GSE1: variants seen among roughly 807,000 people sequenced by gnomAD.
GSE1 encodes genetic suppressor element 1.
A neutral mutation model predicts 112.6 loss-of-function variants in GSE1; 32 were observed. The observed-to-expected ratio is 0.28, with a 90% confidence interval of 0.21 to 0.38. The LOEUF (loss-of-function observed/expected upper bound fraction) is 0.38, where lower values mean the gene tolerates loss of function less well. Ranked by LOEUF, GSE1 falls within the 10% of genes least tolerant of loss-of-function variation. GSE1 has a pLI of 1.00. For synonymous variants in GSE1, 1,115 were observed against 735.6 expected (o/e 1.52, Z -8.35); for missense variants, 2,348 against 1,699.2 (o/e 1.38, Z -6.71).
At chr16:85,582,365 A>T (rs1008749970) in intron 1 of GSE1, among the ~76,000 whole-genome samples, 1 of 152,182 alleles carries the variant, frequency 6.6e-6, no homozygotes, top group Non-Finnish European at 1.5e-5. Context: ...GCTGCGGTTC[A>T]TGGGGGATGG....
intron 2 of GSE1, among the ~76,000 whole-genome samples, chr16:85,381,335 A>G (rs1193131557): frequency 3.3e-5 from 5 of 152,106 alleles, no homozygotes. Flanking sequence ...GATAGACCCC[A>G]TGTTATGTAT....
At chr16:85,651,994 G>A (rs2051398139) in intron 3 of GSE1, among the ~76,000 whole-genome samples, 2 of 152,230 alleles carry the variant, frequency 1.3e-5, no homozygotes, top group African/African-American at 4.8e-5. Flanking sequence ...ATGCCAGGCA[G>A]GGTAGGGGCG....
At chr16:85,191,233 C>T (rs929046138) in intron 1 of GSE1, among the ~76,000 whole-genome samples, 3 of 152,118 alleles carry the variant, frequency 2.0e-5, no homozygotes, top group Non-Finnish European at 2.9e-5. Flanking sequence ...GCACTGCAGC[C>T]TGGGCAACAG....
chr16:85,601,594 GC>G (rs1209492044), intron 1 of GSE1, among the ~76,000 whole-genome samples: 1 of 152,152 alleles, frequency 6.6e-6, no homozygotes, highest in Non-Finnish European at 1.5e-5. Flanking sequence ...ACCCAGAAGG[GC>G]CACAGGCGGC....
At chr16:85,439,216 A>G (rs551610285) in intron 2 of GSE1, among the ~76,000 whole-genome samples, 3 of 152,332 alleles carry the variant, frequency 2.0e-5, no homozygotes, top group East Asian at 1.9e-4. Flanking sequence ...TGGCTGAGGC[A>G]AAAAGCCACT....
At chr16:85,488,909 G>A (rs562703056) in intron 2 of GSE1, among the ~76,000 whole-genome samples, 1 of 152,084 alleles carries the variant, frequency 6.6e-6, no homozygotes, top group Non-Finnish European at 1.5e-5. Flanking sequence ...GCCCCCCGGG[G>A]GTCAGATTTG....
chr16:85,418,368 T>A (rs1049286214), intron 2 of GSE1, among the ~76,000 whole-genome samples: 1 of 152,226 alleles, frequency 6.6e-6, no homozygotes, highest in Non-Finnish European at 1.5e-5. Context: ...AAGCAGAGGA[T>A]GATGCAGCCC....
In GSE1 at chr16:85,669,477, C is replaced by A. The variant is rs2053151662; in HGVS notation, c.3415+1053C>A. ...AAACAAACGCCCATGTAGCCACAAC[C>A]AGGACATCAAATCCCGTATTTTGTT... On this transcript the variant is annotated intron_variant, in intron 14 of 15. Coordinates refer to ENST00000253458, the MANE Select transcript of GSE1 (RefSeq NM_014615.5). Among the ~76,000 whole-genome samples the A allele has an allele frequency of 2.6e-5, 4 of 152,160 alleles. No individual in the cohort carries two copies. The South Asian group carries it at 8.3e-4, about 32-fold the overall frequency.
chr16:85,514,115 C>T, intron 2 of GSE1, among the ~76,000 whole-genome samples: 1 of 151,760 alleles, frequency 6.6e-6, no homozygotes, highest in East Asian at 1.9e-4. Context: ...ACTCTCCCTG[C>T]CTCCTTCTGG....
At chr16:85,579,314 A>G (rs1281050427) in intron 1 of GSE1, among the ~76,000 whole-genome samples, 1 of 152,130 alleles carries the variant, frequency 6.6e-6, no homozygotes, top group Non-Finnish European at 1.5e-5. Context: ...TAACCCACCC[A>G]CTTCTTTTGA....
chr16:85,331,266 C>G (rs2046334107), intron 1 of GSE1, among the ~76,000 whole-genome samples: 1 of 149,668 alleles, frequency 6.7e-6, no homozygotes, highest in African/African-American at 2.5e-5. Flanking sequence ...GATTCTCCTG[C>G]CTCAGCCTCC....
chr16:85,500,313 C>A (rs2051317721), intron 2 of GSE1, among the ~76,000 whole-genome samples: 1 of 152,204 alleles, frequency 6.6e-6, no homozygotes, highest in South Asian at 2.1e-4. Context: ...ATAAACAGAT[C>A]TTTGCATCCT....
chr16:85,628,253 C>G (rs1319638968), intron 1 of GSE1, among the ~76,000 whole-genome samples: 1 of 152,250 alleles, frequency 6.6e-6, no homozygotes, highest in East Asian at 1.9e-4. Flanking sequence ...ATTTGGAATT[C>G]TATTTTAAGT....
chr16:85,496,190 G>A (rs1454644920), intron 2 of GSE1, among the ~76,000 whole-genome samples: 1 of 152,188 alleles, frequency 6.6e-6, no homozygotes, highest in East Asian at 1.9e-4. Flanking sequence ...GGTGAGAGGT[G>A]CCCACTTTGC....
At chr16:85,657,960 A>G (rs1230527768) in intron 8 of GSE1, among the ~76,000 whole-genome samples, 1 of 152,208 alleles carries the variant, frequency 6.6e-6, no homozygotes, top group Non-Finnish European at 1.5e-5. Flanking sequence ...TGTTCTCTCC[A>G]TCTTCCTCTG....
chr16:85,366,685 G>C (rs983764740), intron 2 of GSE1, among the ~76,000 whole-genome samples: 22 of 152,108 alleles, frequency 1.4e-4, no homozygotes, highest in Admixed American at 1.2e-3. Flanking sequence ...TGGTTCCCTT[G>C]CTAGCGTGTG....
At chr16:85,303,610 C>G (rs879929558) in intron 1 of GSE1, among the ~76,000 whole-genome samples, 5 of 152,228 alleles carry the variant, frequency 3.3e-5, no homozygotes, top group Admixed American at 3.3e-4. Context: ...GACTGAGTCT[C>G]AGAGAGGTAA....
intron 1 of GSE1, among the ~76,000 whole-genome samples, chr16:85,558,452 A>G (rs1040083076): frequency 1.3e-5 from 2 of 152,234 alleles, no homozygotes; most frequent in Admixed American, 6.5e-5. Flanking sequence ...ATATTTATTC[A>G]TCAGGTGACC....
intron 2 of GSE1, among the ~76,000 whole-genome samples, chr16:85,482,061 C>T (rs1051815567): frequency 3.3e-5 from 5 of 152,254 alleles, no homozygotes; most frequent in Non-Finnish European, 7.3e-5. Flanking sequence ...TGTCCCCACC[C>T]ATGAAGGGAG....
Sources: allele counts gnomAD v4.1 joint callset (sites outside exome capture counted in the v4.1 genomes callset), GRCh38; gene constraint gnomAD v4.1.1; transcripts MANE v1.5; gene names NCBI Gene and HGNC (gene_info 2026-07-23, HGNC 2026-07-21).